The following PPP1R27 variants were observed in gnomAD, a reference collection of about 807,000 sequenced individuals.
PPP1R27 encodes the protein dysferlin interacting protein 1.
PPP1R27 carries 10 observed loss-of-function variants against 12.0 expected under a neutral mutation model. The ratio of observed to expected loss-of-function variants is 0.84; its 90% CI spans 0.52 to 1.42. The LOEUF (loss-of-function observed/expected upper bound fraction) is 1.42, where lower values mean the gene tolerates loss of function less well. PPP1R27 is among the 40% of genes most tolerant of loss of function. The pLI, the probability that PPP1R27 is intolerant of heterozygous loss-of-function variation, is 0.00. For synonymous variants in PPP1R27, 98 were observed against 89.3 expected (o/e 1.10, Z -0.55); for missense variants, 246 against 215.3 (o/e 1.14, Z -0.89).
At chr17:81,834,145 C>T (rs2038581043) in intron 2 of PPP1R27, 1 of 462,512 alleles carries the variant, frequency 2.2e-6, no homozygotes, top group African/African-American at 2.0e-5. Flanking sequence ...CTCTTATCAC[C>T]CAGGCTGGAG....
intron 2 of PPP1R27, chr17:81,834,249 G>A (rs572686034): frequency 2.0e-5 from 10 of 503,818 alleles, no homozygotes; most frequent in South Asian, 5.2e-5. Flanking sequence ...TTACAGGCGC[G>A]CGCCACCACG....
chr17:81,833,992 G>T, intron 2 of PPP1R27, 140 bp from the exon 3 acceptor site: 1 of 939,170 alleles, frequency 1.1e-6, no homozygotes, highest in Non-Finnish European at 1.5e-6. Flanking sequence ...AGGGTGAGGA[G>T]GAAGAAACCT....
At position 81,834,771 on chromosome 17, in the gene PPP1R27, G is replaced by T. The variant is rs372484438; in HGVS notation, c.183C>A (p.His61Gln). The change falls in exon 1 of 3, where the codon CAC becomes CAA. Residue 61 changes from histidine (H) to glutamine (Q), a missense_variant. Coordinates refer to ENST00000330261, the MANE Select transcript of PPP1R27 (RefSeq NM_001007533.4). Reference sequence around the variant, plus strand: ...CTTCCAGGCTTTGCTCACCTGAGGGGTGGATGGTGGCCAGGGAGACTTTCC... The same window carrying T: ...CTTCCAGGCTTTGCTCACCTGAGGGTTGGATGGTGGCCAGGGAGACTTTCC... ...RTRKVSLATI[H>Q]PSGLAALHEA... 6.2e-7 allele frequency: 1 copy of T among 1,612,230 alleles called. No homozygotes were observed. Among genetic ancestry groups the T allele is most frequent in the South Asian group, 1.1e-5 (1 of 90,956 alleles).
rs1482562813 is a variant in PPP1R27 at position 81,834,495 on chromosome 17, C to T, written c.341+8G>A. 2.5e-6 allele frequency: 4 copies of T among 1,613,550 alleles called. No homozygotes were observed. Among genetic ancestry groups the T allele is most frequent in the Non-Finnish European group, 3.4e-6 (4 of 1,179,932 alleles). ...GTTCAAGCCTGTGTAGACCCAGGGCCCCCTCACCTGGCTATGTCAGGGTAC... is the reference window on the plus strand; with the variant it reads ...GTTCAAGCCTGTGTAGACCCAGGGCTCCCTCACCTGGCTATGTCAGGGTAC... On this transcript the variant is annotated splice_region_variant and intron_variant, in intron 2 of 2. Transcript: ENST00000330261.
chr17:81,833,496 G>A lies in PPP1R27; in HGVS notation c.*233C>T. 1 of 508,220 alleles carries A rather than the reference G, an allele frequency of 2.0e-6. No homozygotes were observed. Among genetic ancestry groups the A allele is most frequent in the Non-Finnish European group, 3.5e-6 (1 of 285,074 alleles). The allele number at this position is 508,220 out of a possible 1,614,324, so 31.5% of individuals were successfully genotyped here. ...ATCAGGACACCACCACAGGGACCACGTGTGTAGACCCAGGCCCCCTCACCT... is the reference window on the plus strand; with the variant it reads ...ATCAGGACACCACCACAGGGACCACATGTGTAGACCCAGGCCCCCTCACCT... On this transcript the variant is annotated 3_prime_UTR_variant, in exon 3 of 3. Coordinates refer to ENST00000330261, the MANE Select transcript of PPP1R27 (RefSeq NM_001007533.4).
At chr17:81,834,186 C>T in intron 2 of PPP1R27, 1 of 460,056 alleles carries the variant, frequency 2.2e-6, no homozygotes, top group Non-Finnish European at 3.9e-6. Context: ...TCACGGCAAC[C>T]TCCACTTCCC....
In PPP1R27 at chr17:81,834,600, G is replaced by C. The variant is rs1218273225; in HGVS notation, c.244C>G (p.Leu82Val). The C allele has an allele frequency of 6.2e-7, 1 of 1,614,204 alleles. No individual in the cohort carries two copies. The highest frequency in any genetic ancestry group is 8.5e-7 in the Non-Finnish European group (1 of 1,180,016). Residue 82 changes from leucine (L) to valine (V), a missense_variant, in exon 2 of 3, where the codon CTG (leucine) becomes GTG (valine). Leu to Val is a conservative substitution (Grantham distance 32, BLOSUM62 1). Transcript: ENST00000330261. ...VLSGNLECVKLLVKYGADIHQ... is the reference protein window; with the variant it reads ...VLSGNLECVKVLVKYGADIHQ... ...ATGTCAGCCCCGTATTTGACCAGCA[G>C]CTTCACGCATTCCAGGTTTCCAGAG...
Position 81,834,823 on chromosome 17 carries a change from T to C in PPP1R27, c.131A>G (p.Glu44Gly). The change falls in exon 1 of 3, where the codon GAG (glutamate) becomes GGG (glycine). Residue 44 changes from glutamate to glycine, a missense_variant. Glu to Gly is a moderately conservative substitution (Grantham distance 98). Coordinates refer to ENST00000330261, the MANE Select transcript of PPP1R27 (RefSeq NM_001007533.4). ...AGTCCGGATGAAGCGCCCCACCTGCTCCAGGTCACCCTGCCGGATGTGGTC... is the reference window on the plus strand; with the variant it reads ...AGTCCGGATGAAGCGCCCCACCTGCCCCAGGTCACCCTGCCGGATGTGGTC... ...FLDHIRQGDL[E>G]QVGRFIRTRK... The C allele has an allele frequency of 6.2e-7, 1 of 1,613,734 alleles. No homozygotes were observed. Among genetic ancestry groups the C allele is most frequent in the Non-Finnish European group, 8.5e-7 (1 of 1,179,944 alleles).
At chr17:81,834,101 T>C in intron 2 of PPP1R27, 2 of 485,148 alleles carry the variant, frequency 4.1e-6, no homozygotes, top group South Asian at 3.3e-5. Flanking sequence ...AGGGTTCTTT[T>C]TTTGTTTTTT....
In PPP1R27 at chr17:81,833,855, G is replaced by A; in HGVS notation, c.342-3C>T. On this transcript the variant is annotated splice_polypyrimidine_tract_variant and splice_region_variant and intron_variant, in intron 2 of 2. Transcript: ENST00000330261. ...CCGCTCCCAGGGAGATAAGGTACCT[G>A]GGGTGTAAAGGTCGCTCTGGCTGAA... The A allele has an allele frequency of 6.3e-7, 1 of 1,595,580 alleles. No individual in the cohort carries two copies. The highest frequency in any genetic ancestry group is 8.5e-7 in the Non-Finnish European group (1 of 1,171,524).
chr17:81,835,029 A>T lies in PPP1R27; in HGVS notation c.-76T>A. 7.1e-7 allele frequency: 1 copy of T among 1,415,870 alleles called. No homozygotes were observed. The highest frequency in any genetic ancestry group is 9.3e-7 in the Non-Finnish European group (1 of 1,074,700). The allele number at this position is 1,415,870 out of a possible 1,614,324, so 87.7% of individuals were successfully genotyped here. A position where few individuals can be genotyped will look rare whatever the true frequency, so the allele number is the denominator to read the frequency against. On this transcript the variant is annotated 5_prime_UTR_variant, in exon 1 of 3. Coordinates refer to ENST00000330261, the MANE Select transcript of PPP1R27 (RefSeq NM_001007533.4). ...TAATAATGTATCCGGTCCCGACCAG[A>T]TCAGCTTGAGGGCTCCTGTCGGACG...
rs745446292 is a variant in PPP1R27, at chr17:81,834,954, C to T, written c.-1G>A. 1 of 1,596,938 alleles carries T rather than the reference C, an allele frequency of 6.3e-7. No individual in the cohort carries two copies. The highest frequency in any genetic ancestry group is 1.1e-5 in the South Asian group (1 of 89,118). On this transcript the variant is annotated 5_prime_UTR_variant, in exon 1 of 3. Transcript: ENST00000330261. ...CATAGCGGGCAGTTCTGCTAGGCAT[C>T]TTGGGCGCTGTGGGGCAGGTTGCCC...
In PPP1R27 at chr17:81,835,040, G is replaced by A. The variant is rs2038598024; in HGVS notation, c.-87C>T. ...CCGGTCCCGACCAGATCAGCTTGAG[G>A]GCTCCTGTCGGACGAGCCCCGGCCT... On this transcript the variant is annotated 5_prime_UTR_variant, in exon 1 of 3. Transcript: ENST00000330261. The A allele has an allele frequency of 1.5e-6, 2 of 1,352,930 alleles. No homozygotes were observed. Among genetic ancestry groups the A allele is most frequent in the African/African-American group, 1.5e-5 (1 of 68,100 alleles). 83.8% of individuals were successfully genotyped at this position (1,352,930 alleles called of 1,614,324 possible). A position where few individuals can be genotyped will look rare whatever the true frequency, so the allele number is the denominator to read the frequency against.
rs527885617 is a variant in PPP1R27, at chr17:81,833,808, T to C, written c.386A>G (p.Asp129Gly). Residue 129 changes from aspartate to glycine, a missense_variant, in exon 3 of 3, where the codon GAT (aspartate) becomes GGT (glycine). Coordinates refer to ENST00000330261, the MANE Select transcript of PPP1R27 (RefSeq NM_001007533.4). ...GATGAGGTCGGAGGGCAGGTCGCCATCGTCGTTGGTTGCATCCCTGTCCGC... is the reference window on the plus strand; with the variant it reads ...GATGAGGTCGGAGGGCAGGTCGCCACCGTCGTTGGTTGCATCCCTGTCCGC... ...LGADRDATND[D>G]GDLPSDLIDP... 7.6e-6 allele frequency: 12 copies of C among 1,574,962 alleles called. No homozygotes were observed. In the South Asian group the frequency reaches 1.3e-4, roughly 17 times the overall value.
At position 81,833,596 on chromosome 17, in the gene PPP1R27, G is replaced by A. The variant is rs371969551; in HGVS notation, c.*133C>T. ...CCTGGGGACAAAGCCAGGCCTAGGAGGGGTGGCGGGGTCGTGGAGGGACGG... is the reference window on the plus strand; with the variant it reads ...CCTGGGGACAAAGCCAGGCCTAGGAAGGGTGGCGGGGTCGTGGAGGGACGG... On this transcript the variant is annotated 3_prime_UTR_variant, in exon 3 of 3. Coordinates refer to ENST00000330261, the MANE Select transcript of PPP1R27 (RefSeq NM_001007533.4). 18 of 872,220 alleles carry A rather than the reference G, an allele frequency of 2.1e-5. No homozygotes were observed. The highest frequency in any genetic ancestry group is 2.7e-5 in the Non-Finnish European group (16 of 588,496). The allele number at this position is 872,220 out of a possible 1,614,324, so 54.0% of individuals were successfully genotyped here.
chr17:81,834,721 AC>A (rs1177945474), intron 1 of PPP1R27, 42 bp downstream of exon 1: 1 of 1,609,396 alleles, frequency 6.2e-7, no homozygotes, highest in Non-Finnish European at 8.5e-7. Context: ...GGCCTCTCCC[AC>A]CACCCCACAG....
chr17:81,834,704 C>A, intron 1 of PPP1R27, 51 bp from the exon 2 acceptor site: 1 of 1,610,606 alleles, frequency 6.2e-7, no homozygotes, highest in Non-Finnish European at 8.5e-7. Context: ...GTCAGGTCCT[C>A]CTTGCTGGCC....
intron 2 of PPP1R27, chr17:81,834,177 C>T (rs1459840950): frequency 1.3e-5 from 6 of 461,940 alleles, no homozygotes; most frequent in African/African-American, 1.2e-4. Flanking sequence ...GATCTCGACT[C>T]ACGGCAACCT....
In PPP1R27 at chr17:81,834,646, G is replaced by A. The variant is rs773661842; in HGVS notation, c.198C>T (p.Ala66=). The change falls in exon 2 of 3, where the codon GCC becomes GCT. Residue 66 remains alanine, a synonymous_variant. Coordinates refer to ENST00000330261, the MANE Select transcript of PPP1R27 (RefSeq NM_001007533.4). ...CAGAGAGCACGGCTTCATGCAAGGC[G>A]GCCAGGCCTGGGCAGGGAGGACGGG... is the stretch of plus-strand genomic sequence containing the variant. The part of the protein sequence containing the change: ...SLATIHPSGL[A]ALHEAVLSGN... The A allele has an allele frequency of 6.2e-7, 1 of 1,613,954 alleles. No individual in the cohort carries two copies. Among genetic ancestry groups the A allele is most frequent in the Non-Finnish European group, 8.5e-7 (1 of 1,180,020 alleles).
Sources: allele counts gnomAD v4.1 joint callset, GRCh38; gene constraint gnomAD v4.1.1; transcripts MANE v1.5; gene names NCBI Gene and HGNC (gene_info 2026-07-23, HGNC 2026-07-21).